The following PTCD1 variants were observed in gnomAD, a reference collection of about 807,000 sequenced individuals.
PTCD1 encodes the protein pentatricopeptide repeat-containing protein 1, mitochondrial.
Under a neutral mutation model 53.4 loss-of-function variants are expected in PTCD1, and 50 were observed. The observed-to-expected ratio is 0.94, with a 90% CI of 0.75 to 1.19. The LOEUF is 1.19. Among genes scored for constraint, PTCD1 ranks in the 50% most tolerant of loss-of-function variants. PTCD1 has a pLI of 0.00. For synonymous variants in PTCD1, 413 were observed against 394.8 expected (o/e 1.05, Z -0.55); for missense variants, 918 against 904.8 (o/e 1.01, Z -0.19).
chr7:99,417,380 G>A lies in PTCD1; in HGVS notation c.*2587C>T. ...AATGCTTTTTTTGATCAAGGGTGGG[G>A]AAGGTTTTTAGACCATGGCCTGATG... On this transcript the variant is annotated 3_prime_UTR_variant, in exon 8 of 8. Coordinates refer to ENST00000292478, the MANE Select transcript of PTCD1 (RefSeq NM_015545.4). The A allele has an allele frequency of 1.3e-6, 2 of 1,591,328 alleles. No individual in the cohort carries two copies. The highest frequency in any genetic ancestry group is 1.7e-6 in the Non-Finnish European group (2 of 1,160,260).
At chr7:99,427,678 G>A (rs1297891098) in intron 5 of PTCD1, among the ~76,000 whole-genome samples, 3 of 152,154 alleles carry the variant, frequency 2.0e-5, no homozygotes, top group Admixed American at 6.5e-5. Context: ...GAAAGGTGGG[G>A]AAAAGATTGA....
rs1202890239 is a variant in PTCD1 at position 99,425,426 on chromosome 7, G to A, written c.1106C>T (p.Ala369Val). The A allele has an allele frequency of 1.2e-6, 2 of 1,613,930 alleles. No homozygotes were observed. The highest frequency in any genetic ancestry group is 8.5e-7 in the Non-Finnish European group (1 of 1,180,042). Reference protein sequence around the residue: ...SRQRPRRTAQAKAGNLMSAML... With the variant: ...SRQRPRRTAQVKAGNLMSAML... ...GGCTGACATGAGGTTGCCTGCCTTGGCCTGGGCTGTCCTCCTTGGCCGCTG... is the reference window on the plus strand; with the variant it reads ...GGCTGACATGAGGTTGCCTGCCTTGACCTGGGCTGTCCTCCTTGGCCGCTG... The change falls in exon 6 of 8, where the codon GCC becomes GTC. Residue 369 changes from alanine (A) to valine (V), a missense_variant. Physicochemically the swap from Ala to Val is moderately conservative, Grantham distance 64. Coordinates refer to ENST00000292478, the MANE Select transcript of PTCD1 (RefSeq NM_015545.4).
chr7:99,432,233 G>A (rs1307515922), intron 3 of PTCD1, among the ~76,000 whole-genome samples: 1 of 152,194 alleles, frequency 6.6e-6, no homozygotes, highest in African/African-American at 2.4e-5. Context: ...AGGCCTCTTT[G>A]CAGTTGAGAT....
At position 99,417,942 on chromosome 7, in the gene PTCD1, C is replaced by A; in HGVS notation, c.*2025G>T. ...GAGTTCCTGTCCCTTTCAGTCCTCA[C>A]AGTGATACTTTAACATTACCATCAC... is the stretch of plus-strand genomic sequence containing the variant. On this transcript the variant is annotated 3_prime_UTR_variant, in exon 8 of 8. Coordinates refer to ENST00000292478, the MANE Select transcript of PTCD1 (RefSeq NM_015545.4). 1 of 1,245,296 alleles carries A rather than the reference C, an allele frequency of 8.0e-7. No individual in the cohort carries two copies. The highest frequency in any genetic ancestry group is 1.0e-6 in the Non-Finnish European group (1 of 980,910). The allele number at this position is 1,245,296 out of a possible 1,614,324, so 77.1% of individuals were successfully genotyped here.
intron 7 of PTCD1, 26 bp from the exon 8 acceptor site, chr7:99,420,175 A>G (rs1268345904): frequency 4.3e-6 from 7 of 1,613,700 alleles, no homozygotes; most frequent in Non-Finnish European, 5.9e-6. Context: ...TGAGGCTAGA[A>G]TCACTCCTGT....
intron 7 of PTCD1, among the ~76,000 whole-genome samples, chr7:99,422,989 A>T (rs962206260): frequency 6.6e-6 from 1 of 150,424 alleles, no homozygotes; most frequent in African/African-American, 2.4e-5. Flanking sequence ...CTCTGCAAGG[A>T]GAGAGCTCTT....
rs199912750 is a variant in PTCD1 at position 99,423,976 on chromosome 7, G to A, written c.1738-19C>T. On this transcript the variant is annotated intron_variant, in intron 6 of 7. Coordinates refer to ENST00000292478, the MANE Select transcript of PTCD1 (RefSeq NM_015545.4). ...GGGACTTCTAGAACACAGGGACATCGTAGAATCAAGATGATGGCAGCCATT... is the reference window on the plus strand; with the variant it reads ...GGGACTTCTAGAACACAGGGACATCATAGAATCAAGATGATGGCAGCCATT... 137 of 1,612,620 alleles carry A rather than the reference G, an allele frequency of 8.5e-5. No individual in the cohort carries two copies. Among genetic ancestry groups the A allele is most frequent in the African/African-American group, 1.1e-4 (8 of 74,986 alleles).
chr7:99,434,064 A>C (rs1229043512), intron 2 of PTCD1, among the ~76,000 whole-genome samples: 3 of 134,762 alleles, frequency 2.2e-5, no homozygotes, highest in African/African-American at 8.4e-5. Flanking sequence ...AAAAAAAAAA[A>C]AAACAAAAAA....
chr7:99,424,531 G>A (rs1199640483), intron 6 of PTCD1, among the ~76,000 whole-genome samples: 1 of 152,170 alleles, frequency 6.6e-6, no homozygotes, highest in African/African-American at 2.4e-5. Context: ...CGAGGCCTGT[G>A]CCCAGCCCTG....
chr7:99,417,513 G>C lies in PTCD1; in HGVS notation c.*2454C>G. On this transcript the variant is annotated 3_prime_UTR_variant, in exon 8 of 8. Coordinates refer to ENST00000292478, the MANE Select transcript of PTCD1 (RefSeq NM_015545.4). ...AAAAAGCAAGGATATGAGAACTTGT[G>C]CTGCCTGCGGTGCATTCAGACACGG... is the stretch of plus-strand genomic sequence containing the variant. The C allele has an allele frequency of 6.2e-7, 1 of 1,611,586 alleles. No homozygotes were observed. Among genetic ancestry groups the C allele is most frequent in the Non-Finnish European group, 8.5e-7 (1 of 1,178,260 alleles).
rs755190135 is a variant in PTCD1 at position 99,420,038 on chromosome 7, G to A, written c.2032C>T (p.Arg678Trp). ...EETPHPWQKF[R>W]TKPQGDQDTG... ...TCCTGGTCCCCCTGGGGCTTGGTCC[G>A]GAACTTCTGCCAGGGGTGCGGGGTT... The change falls in exon 8 of 8, where the codon CGG becomes TGG. Residue 678 changes from arginine to tryptophan, a missense_variant. Arg to Trp is a moderately radical substitution (Grantham distance 101, BLOSUM62 -3). Transcript: ENST00000292478. 217 of 1,614,222 alleles carry A rather than the reference G, an allele frequency of 1.3e-4. 3 individuals carry two copies. The South Asian group carries it at 2.2e-3, about 16-fold the overall frequency.
Position 99,425,410 on chromosome 7 carries a change from G to C in PTCD1, c.1122C>G (p.Leu374=). 2 of 1,614,170 alleles carry C rather than the reference G, an allele frequency of 1.2e-6. No homozygotes were observed. Among genetic ancestry groups the C allele is most frequent in the Non-Finnish European group, 1.7e-6 (2 of 1,180,050 alleles). ...CCTCCACATGCAGCATGGCTGACAT[G>C]AGGTTGCCTGCCTTGGCCTGGGCTG... is the stretch of plus-strand genomic sequence containing the variant. ...RRTAQAKAGN[L]MSAMLHVEAL... The change falls in exon 6 of 8, where the codon CTC becomes CTG. Residue 374 remains leucine (L), a synonymous_variant. Transcript: ENST00000292478.
At position 99,433,250 on chromosome 7, in the gene PTCD1, A is replaced by C. The variant is rs1172695508; in HGVS notation, c.594+28T>G. The C allele has an allele frequency of 1.9e-6, 3 of 1,613,928 alleles. No individual in the cohort carries two copies. In the East Asian group the frequency reaches 6.7e-5, roughly 36 times the overall value. The stretch of plus-strand genomic sequence containing the variant: ...TCCGCCCCCAGCTTTTCAGAGCCTC[A>C]CCCCGGCTGCCCTGCGCCCACATGC... On this transcript the variant is annotated intron_variant, in intron 3 of 7. Transcript: ENST00000292478.
At chr7:99,438,072 A>C (rs1240855090) in intron 1 of PTCD1, among the ~76,000 whole-genome samples, 2 of 152,178 alleles carry the variant, frequency 1.3e-5, no homozygotes, top group Non-Finnish European at 2.9e-5. Context: ...CTTCACATAG[A>C]GAAAAATAGG....
rs917153 is a variant in PTCD1 at position 99,423,380 on chromosome 7, G to A, written c.1920+395C>T. ...CGGCATAAAGGAACAGAGTGGGAAG[G>A]GGGAGGGGAGACTTTCATCCCAGGT... On this transcript the variant is annotated intron_variant, in intron 7 of 7. Coordinates refer to ENST00000292478, the MANE Select transcript of PTCD1 (RefSeq NM_015545.4). Among the ~76,000 whole-genome samples, 7 of 152,274 alleles carry A rather than the reference G, an allele frequency of 4.6e-5. No homozygotes were observed. The South Asian group carries it at 1.5e-3, about 32-fold the overall frequency.
chr7:99,421,560 T>C (rs1053368619), intron 7 of PTCD1, among the ~76,000 whole-genome samples: 12 of 146,674 alleles, frequency 8.2e-5, no homozygotes, highest in Non-Finnish European at 1.5e-4. Flanking sequence ...CTGGCCAAGA[T>C]GGTGAAACCC....
rs984310414 is a variant in PTCD1, at chr7:99,438,486, C to G, written c.-27+206G>C. ...CCCTGAATTAGAGACACGCTGCGGC[C>G]GTCCTTCCTCGGAGAGACCCGCCCC... On this transcript the variant is annotated intron_variant, in intron 1 of 7. Coordinates refer to ENST00000292478, the MANE Select transcript of PTCD1 (RefSeq NM_015545.4). 3.7e-6 allele frequency: 4 copies of G among 1,088,036 alleles called. No individual in the cohort carries two copies. The African/African-American group carries it at 6.9e-5, about 19-fold the overall frequency. The allele number at this position is 1,088,036 out of a possible 1,614,324, so 67.4% of individuals were successfully genotyped here.
At chr7:99,428,129 C>A (rs1214411308) in intron 5 of PTCD1, among the ~76,000 whole-genome samples, 1 of 151,674 alleles carries the variant, frequency 6.6e-6, no homozygotes, top group Non-Finnish European at 1.5e-5. Flanking sequence ...TGGCCGGGCG[C>A]GGTGGCTCAC....
At chr7:99,432,366 C>T (rs1002691769) in intron 3 of PTCD1, among the ~76,000 whole-genome samples, 1 of 152,196 alleles carries the variant, frequency 6.6e-6, no homozygotes, top group Non-Finnish European at 1.5e-5. Flanking sequence ...GTGGGACCTG[C>T]TGGAGACAAT....
Sources: gnomAD v4.1 joint callset for allele counts (sites outside exome capture counted in the v4.1 genomes callset) on GRCh38, gnomAD v4.1.1 for gene constraint, MANE v1.5 for transcripts, NCBI Gene and HGNC (gene_info 2026-07-23, HGNC 2026-07-21) for gene names.